Variants in MGAM2 observed in about 807,000 individuals in gnomAD.
The protein encoded by MGAM2 is maltase-glucoamylase 2 (putative), also known as probable maltase-glucoamylase 2.
A neutral mutation model predicts 96.1 loss-of-function variants in MGAM2; 98 were observed. The observed-to-expected ratio is 1.02, with a 90% CI of 0.87 to 1.21. The LOEUF (loss-of-function observed/expected upper bound fraction) is 1.21. Among genes scored for constraint, MGAM2 ranks in the 50% most tolerant of loss-of-function variants. MGAM2 has a pLI of 0.00. For synonymous variants in MGAM2, 749 were observed against 414.8 expected, an observed-to-expected ratio of 1.81 and a Z score of -9.79; for missense variants, 2,055 against 1,182.4, an observed-to-expected ratio of 1.74 and a Z score of -10.82.
intron 37 of MGAM2, among the ~76,000 whole-genome samples, chr7:142,194,218 G>T (rs1200973250): frequency 6.6e-6 from 1 of 152,072 alleles, no homozygotes; most frequent in Non-Finnish European, 1.5e-5. Context: ...TTTTATTAAA[G>T]ACAGGGTTTT....
At chr7:142,142,036 C>T (rs1448956324) in intron 12 of MGAM2, among the ~76,000 whole-genome samples, 2 of 152,190 alleles carry the variant, frequency 1.3e-5, no homozygotes, top group African/African-American at 4.8e-5. Flanking sequence ...CACGTGACTG[C>T]AGATCTTGTT....
At chr7:142,119,330 T>C (rs1794484824) in intron 2 of MGAM2, among the ~76,000 whole-genome samples, 1 of 152,164 alleles carries the variant, frequency 6.6e-6, no homozygotes, top group African/African-American at 2.4e-5. Flanking sequence ...ATATTCAACA[T>C]CATTGGTTAT....
At chr7:142,151,574 C>G (rs1795579260) in intron 15 of MGAM2, among the ~76,000 whole-genome samples, 1 of 152,032 alleles carries the variant, frequency 6.6e-6, no homozygotes, top group East Asian at 1.9e-4. Context: ...TTCTTAGATG[C>G]TTCTATCTAA....
At position 142,167,228 on chromosome 7, in the gene MGAM2, T is replaced by G. The variant is rs970713685; in HGVS notation, c.2809-40T>G. 3.4e-5 allele frequency: 22 copies of G among 647,086 alleles called. No individual in the cohort carries two copies. The Middle Eastern group carries it at 1.4e-3, about 41-fold the overall frequency. 40.1% of individuals were successfully genotyped at this position (647,086 alleles called of 1,614,324 possible). ...TCTTCAGTAATGAGAGCCTTAGTGT[T>G]GTATCAGAGGCTGAGCAAGACTTTC... On this transcript the variant is annotated intron_variant, in intron 25 of 47. Transcript: ENST00000477922.
Position 142,219,991 on chromosome 7 carries a change from CTCA to C in MGAM2, c.5483_5485del (p.His1828del). On this transcript the variant is annotated inframe_deletion, in exon 48 of 48. Coordinates refer to ENST00000477922, the MANE Select transcript of MGAM2 (RefSeq NM_001293626.2). ...AAGACAAGTACCATCCCAATGAGTT[CTCA>C]TCCTTCTCCATCTACTACCAATGCC... 2 of 702,906 alleles carry C rather than the reference CTCA, an allele frequency of 2.8e-6. No individual in the cohort carries two copies. 43.5% of individuals were successfully genotyped at this position (702,906 alleles called of 1,614,324 possible).
intron 17 of MGAM2, among the ~76,000 whole-genome samples, chr7:142,155,552 T>C (rs36013870): frequency 0.3 from 45,387 of 152,192 alleles, 7,051 homozygotes; most frequent in Non-Finnish European, 0.33. Context: ...TTAGCTCCAA[T>C]TCTTGACTTT....
Position 142,208,504 on chromosome 7 carries a change from C to T in MGAM2, c.5138-69C>T, listed in dbSNP as rs117708171. ...CCATTGAGAGTGTGGTTTCTGACCA[C>T]GCTCAAGATTATTTGCTGCAATTGA... On this transcript the variant is annotated intron_variant, in intron 45 of 47. Coordinates refer to ENST00000477922, the MANE Select transcript of MGAM2 (RefSeq NM_001293626.2). The T allele has an allele frequency of 4.4e-3, 3,055 of 694,572 alleles. 18 individuals are homozygous for T. Among genetic ancestry groups the T allele is most frequent in the Non-Finnish European group, 5.2e-3 (1,997 of 381,142 alleles). The allele number at this position is 694,572 out of a possible 1,614,324, so 43.0% of individuals were successfully genotyped here. A position where few individuals can be genotyped will look rare whatever the true frequency, so the allele number is the denominator to read the frequency against.
chr7:142,202,710 A>G (rs1161957475), intron 45 of MGAM2, among the ~76,000 whole-genome samples: 4 of 151,968 alleles, frequency 2.6e-5, no homozygotes, highest in East Asian at 1.9e-4. Flanking sequence ...TCTTTATCCA[A>G]TCCTTTGCTG....
chr7:142,218,267 C>A, intron 46 of MGAM2, 94 bp from the exon 47 acceptor site: 1 of 478,840 alleles, frequency 2.1e-6, no homozygotes, highest in Non-Finnish European at 3.7e-6. Context: ...ACTAATATAA[C>A]AAAAGTAAAT....
chr7:142,201,075 T>C (rs868706070), intron 45 of MGAM2, among the ~76,000 whole-genome samples: 1 of 120,324 alleles, frequency 8.3e-6, no homozygotes, highest in Non-Finnish European at 1.7e-5. Context: ...CTTTTTCTTT[T>C]TTTTTTCTTT....
intron 28 of MGAM2, among the ~76,000 whole-genome samples, chr7:142,171,644 A>C (rs1175718987): frequency 9.5e-6 from 1 of 104,806 alleles, no homozygotes; most frequent in Non-Finnish European, 1.9e-5. Flanking sequence ...ATATATATAT[A>C]TATATATATA....
intron 16 of MGAM2, among the ~76,000 whole-genome samples, chr7:142,154,450 C>T (rs1795676109): frequency 6.6e-6 from 1 of 152,082 alleles, no homozygotes; most frequent in Non-Finnish European, 1.5e-5. Flanking sequence ...AGGAAAATTC[C>T]ATCAAGAGAG....
chr7:142,151,416 ATTTCTGATTCATTATCTTCTCT>A (rs1795575591), intron 15 of MGAM2, among the ~76,000 whole-genome samples: 1 of 152,204 alleles, frequency 6.6e-6, no homozygotes, highest in Non-Finnish European at 1.5e-5. Flanking sequence ...AATGACATAT[ATTTCTGATTCATTATCTTCTCT>A]TTGTCTTTTC....
intron 1 of MGAM2, among the ~76,000 whole-genome samples, chr7:142,114,214 G>GA (rs1365981658): frequency 1.5e-5 from 2 of 129,364 alleles, no homozygotes; most frequent in African/African-American, 6.3e-5. Context: ...AAGAAAGAAA[G>GA]AGAGAAAGAA....
chr7:142,165,079 C>A, intron 24 of MGAM2, 56 bp downstream of exon 24: 1 of 627,212 alleles, frequency 1.6e-6, no homozygotes, highest in Non-Finnish European at 2.8e-6. Context: ...CTCTGACAGC[C>A]AGCCCTACTT....
intron 45 of MGAM2, among the ~76,000 whole-genome samples, chr7:142,204,985 G>T (rs1797353873): frequency 6.6e-6 from 1 of 152,070 alleles, no homozygotes; most frequent in Non-Finnish European, 1.5e-5. Context: ...TAATATTCCT[G>T]TCTCTTGGGA....
chr7:142,187,488 G>C (rs1011317503), intron 35 of MGAM2, among the ~76,000 whole-genome samples: 7 of 152,196 alleles, frequency 4.6e-5, no homozygotes, highest in African/African-American at 9.7e-5. Context: ...ATCCTTGTAA[G>C]TTTTAAAATG....
At chr7:142,159,915 G>C (rs1401845022) in intron 20 of MGAM2, among the ~76,000 whole-genome samples, 1 of 152,206 alleles carries the variant, frequency 6.6e-6, no homozygotes, top group East Asian at 1.9e-4. Context: ...TGAAGCCCAG[G>C]TGTGGAATGA....
Position 142,221,683 on chromosome 7 carries a change from A to G in MGAM2, c.7172A>G (p.His2391Arg), listed in dbSNP as rs1024701624. 1 of 429,294 alleles carries G rather than the reference A, an allele frequency of 2.3e-6. No individual in the cohort carries two copies. The allele number at this position is 429,294 out of a possible 1,614,324, so 26.6% of individuals were successfully genotyped here. A position where few individuals can be genotyped will look rare whatever the true frequency, so the allele number is the denominator to read the frequency against. The part of the protein sequence containing the change: ...TTHITQFATP[H>R]SATTTTLALS... Reference sequence around the variant, plus strand: ...CACATCACACAGTTCGCTACTCCCCATTCTGCTACTACTACAACACTGGCC... The same window carrying G: ...CACATCACACAGTTCGCTACTCCCCGTTCTGCTACTACTACAACACTGGCC... The change falls in exon 48 of 48, where the codon CAT becomes CGT. Residue 2391 changes from histidine to arginine, a missense_variant. By Grantham distance (29) the His-to-Arg change is conservative. Coordinates refer to ENST00000477922, the MANE Select transcript of MGAM2 (RefSeq NM_001293626.2).
Sources: allele counts gnomAD v4.1 joint callset (sites outside exome capture counted in the v4.1 genomes callset), GRCh38; gene constraint gnomAD v4.1.1; transcripts MANE v1.5; gene names NCBI Gene and HGNC (gene_info 2026-07-23, HGNC 2026-07-21).